TMEM74: variants seen among roughly 807,000 people sequenced by gnomAD.
TMEM74 encodes the protein transmembrane protein 74.
A neutral mutation model predicts 18.1 loss-of-function variants in TMEM74; 13 were observed. That is an observed-to-expected ratio of 0.72 (90% CI 0.47 to 1.14). The LOEUF (loss-of-function observed/expected upper bound fraction) is 1.14, where lower values mean the gene tolerates loss of function less well. Among genes scored for constraint, TMEM74 ranks in the 50% most tolerant of loss-of-function variants. TMEM74 has a pLI of 0.00. For missense variants in TMEM74, 372 were observed against 375.9 expected (o/e 0.99, Z 0.09); for synonymous variants, 159 against 146.6 (o/e 1.08, Z -0.61).
chr8:108,705,366 A>C (rs747041052), intron 1 of TMEM74, among the ~76,000 whole-genome samples: 58 of 152,204 alleles, frequency 3.8e-4, no homozygotes, highest in Non-Finnish European at 7.3e-4. Context: ...ATGCAGATTT[A>C]ATTCAGAGAA....
intron 2 of TMEM74, among the ~76,000 whole-genome samples, chr8:108,647,608 G>A (rs537242869): frequency 2.0e-5 from 3 of 152,062 alleles, no homozygotes; most frequent in East Asian, 3.9e-4. Flanking sequence ...AGGGATAAAC[G>A]AGTAAATGAA....
At chr8:108,745,805 A>G (rs1420960506) in intron 1 of TMEM74, among the ~76,000 whole-genome samples, 4 of 152,176 alleles carry the variant, frequency 2.6e-5, no homozygotes, top group African/African-American at 9.7e-5. Flanking sequence ...TGGGCCTGGT[A>G]GTTAAAGATC....
At chr8:108,771,981 C>T (rs1210958288) in intron 1 of TMEM74, among the ~76,000 whole-genome samples, 1 of 151,886 alleles carries the variant, frequency 6.6e-6, no homozygotes, top group African/African-American at 2.4e-5. Flanking sequence ...AAAAAAGAAA[C>T]ATAATTTCCA....
At chr8:108,755,424 G>GA (rs1382857030) in intron 1 of TMEM74, among the ~76,000 whole-genome samples, 1 of 152,080 alleles carries the variant, frequency 6.6e-6, no homozygotes, top group Admixed American at 6.6e-5. Flanking sequence ...ATACAGCATA[G>GA]AAAACTAATA....
At chr8:108,716,405 G>A (rs547963005) in intron 1 of TMEM74, among the ~76,000 whole-genome samples, 16 of 152,166 alleles carry the variant, frequency 1.1e-4, no homozygotes, top group Non-Finnish European at 1.8e-4. Flanking sequence ...AACCTGTTTA[G>A]AAATGGTGCT....
At chr8:108,770,564 G>T (rs1814160131) in intron 1 of TMEM74, among the ~76,000 whole-genome samples, 1 of 151,988 alleles carries the variant, frequency 6.6e-6, no homozygotes, top group Admixed American at 6.6e-5. Flanking sequence ...CTATTTATGT[G>T]GTGTAATTCC....
At chr8:108,634,372 T>A (rs10111798) in intron 2 of TMEM74, among the ~76,000 whole-genome samples, 3 of 151,890 alleles carry the variant, frequency 2.0e-5, no homozygotes, top group African/African-American at 7.2e-5. Context: ...ATTTAGCTTA[T>A]ATGTTCAACC....
In TMEM74 at chr8:108,652,885, A is replaced by C. The variant is rs1563741101; in HGVS notation, n.264+2408T>G. 1.2e-5 allele frequency: 6 copies of C among 503,296 alleles called. No homozygotes were observed. In the Admixed American group the frequency reaches 1.4e-4, roughly 11 times the overall value. 31.2% of individuals were successfully genotyped at this position (503,296 alleles called of 1,614,324 possible). On this transcript the variant is annotated intron_variant and non_coding_transcript_variant, in intron 2 of 3. Coordinates refer to the TMEM74 transcript ENST00000518838. ...TAATAGGCCATTTTGGATCTGCCTC[A>C]CTGGATTCACAGTAGACAGTGCCCT...
At chr8:108,769,163 T>TAA (rs66589307) in intron 1 of TMEM74, among the ~76,000 whole-genome samples, 2 of 133,012 alleles carry the variant, frequency 1.5e-5, no homozygotes, top group Non-Finnish European at 1.6e-5. Flanking sequence ...CTACTACTAC[T>TAA]AAAAAAAAAA....
intron 1 of TMEM74, among the ~76,000 whole-genome samples, chr8:108,732,909 T>C (rs959080667): frequency 6.6e-6 from 1 of 151,944 alleles, no homozygotes. Context: ...AAATATGATA[T>C]ATGAATGGCT....
intron 1 of TMEM74, among the ~76,000 whole-genome samples, chr8:108,751,016 T>C (rs1277580466): frequency 6.6e-6 from 1 of 152,144 alleles, no homozygotes; most frequent in African/African-American, 2.4e-5. Flanking sequence ...AGGAGGCAAA[T>C]TGAGATTGCT....
At chr8:108,619,507 T>C (rs1401507213) in intron 2 of TMEM74, among the ~76,000 whole-genome samples, 2 of 152,216 alleles carry the variant, frequency 1.3e-5, no homozygotes, top group Admixed American at 1.3e-4. Flanking sequence ...TGACAGGCTG[T>C]GCAGCAAGCC....
chr8:108,749,586 T>C (rs1185102906), intron 1 of TMEM74, among the ~76,000 whole-genome samples: 2 of 152,184 alleles, frequency 1.3e-5, no homozygotes, highest in Non-Finnish European at 2.9e-5. Flanking sequence ...TAGGATCATG[T>C]CATCTGCAAA....
chr8:108,625,241 C>G (rs946451585), intron 2 of TMEM74, among the ~76,000 whole-genome samples: 20 of 152,118 alleles, frequency 1.3e-4, no homozygotes, highest in African/African-American at 4.6e-4. Context: ...ACAACACAAA[C>G]CACACATGTG....
chr8:108,752,681 T>C lies in TMEM74; in HGVS notation n.119+34795A>G, dbSNP rs542088610. Among the ~76,000 whole-genome samples, 17 of 152,252 alleles carry C rather than the reference T, an allele frequency of 1.1e-4. No homozygotes were observed. In the South Asian group the frequency reaches 3.5e-3, roughly 32 times the overall value. ...GATTCTTATATAACAATTTCTGTCA[T>C]TTCAAATACATCAGTCTCTGCCAAC... is the stretch of plus-strand genomic sequence containing the variant. On this transcript the variant is annotated intron_variant and non_coding_transcript_variant, in intron 1 of 3. Coordinates refer to the TMEM74 transcript ENST00000518838.
chr8:108,756,707 A>G lies in TMEM74; in HGVS notation n.119+30769T>C, dbSNP rs796722231. On this transcript the variant is annotated intron_variant and non_coding_transcript_variant, in intron 1 of 3. Coordinates refer to the TMEM74 transcript ENST00000518838. ...AAGAAAGAAAGAAAGAAGGAAGGAA[A>G]GAAAGAAAGAAAGAGAAAGAAAGAA... Among the ~76,000 whole-genome samples, 230 of 70,818 alleles carry G rather than the reference A, an allele frequency of 3.2e-3. 3 individuals carry two copies. Among genetic ancestry groups the G allele is most frequent in the Middle Eastern group, 7.8e-3 (1 of 128 alleles). 46.5% of individuals were successfully genotyped at this position (70,818 alleles called of 152,430 possible). A position where few individuals can be genotyped will look rare whatever the true frequency, so the allele number is the denominator to read the frequency against.
intron 1 of TMEM74, among the ~76,000 whole-genome samples, chr8:108,703,103 C>T (rs528780243): frequency 5.3e-5 from 8 of 152,216 alleles, no homozygotes; most frequent in South Asian, 2.1e-4. Flanking sequence ...ATGTACAAAA[C>T]GAAGCAGGTG....
intron 2 of TMEM74, among the ~76,000 whole-genome samples, chr8:108,647,335 C>A (rs1362367385): frequency 6.6e-6 from 1 of 152,138 alleles, no homozygotes; most frequent in African/African-American, 2.4e-5. Flanking sequence ...TCTAGTTTGG[C>A]AAATCAGCAT....
chr8:108,787,241 CGG>C (rs1814399730), intron 1 of TMEM74, among the ~76,000 whole-genome samples: 1 of 152,182 alleles, frequency 6.6e-6, no homozygotes, highest in Non-Finnish European at 1.5e-5. Context: ...CGAGCAAAGC[CGG>C]GAGAGCGAGC....
Sources: allele counts gnomAD v4.1 joint callset (sites outside exome capture counted in the v4.1 genomes callset), GRCh38; gene constraint gnomAD v4.1.1; transcripts MANE v1.5; gene names NCBI Gene and HGNC (gene_info 2026-07-23, HGNC 2026-07-21).